SH3BP4: variants seen among roughly 807,000 people sequenced by gnomAD.
SH3BP4 encodes the protein SH3 domain binding protein 4.
Under a neutral mutation model 65.5 loss-of-function variants are expected in SH3BP4, and 33 were observed. That is an observed-to-expected ratio of 0.50 (90% CI 0.38 to 0.67). SH3BP4 has a LOEUF of 0.67. SH3BP4 is among the 30% of genes least tolerant of loss of function. The pLI is 0.00. For synonymous variants in SH3BP4, 552 were observed against 545.5 expected (o/e 1.01, Z -0.17); for missense variants, 1,134 against 1,261.4 (o/e 0.90, Z 1.53).
At chr2:235,050,361 C>T (rs1406485378) in intron 4 of SH3BP4, among the ~76,000 whole-genome samples, 2 of 152,104 alleles carry the variant, frequency 1.3e-5, no homozygotes, top group East Asian at 3.9e-4. Flanking sequence ...TCGTGATCCA[C>T]CTGCCTCAGC....
At chr2:235,001,317 G>A (rs775480154) in intron 2 of SH3BP4, among the ~76,000 whole-genome samples, 4 of 152,214 alleles carry the variant, frequency 2.6e-5, no homozygotes, top group Non-Finnish European at 5.9e-5. Context: ...CAGAGACTTT[G>A]TCAGATTCCT....
At chr2:235,039,481 TA>T (rs61191874) in intron 3 of SH3BP4, among the ~76,000 whole-genome samples, 32,541 of 141,820 alleles carry the variant, frequency 0.23, 4,965 homozygotes, top group East Asian at 0.42. Context: ...TTTGGCAACT[TA>T]AAAAAAAAAA....
chr2:235,005,349 C>A (rs1047672661), intron 2 of SH3BP4, among the ~76,000 whole-genome samples: 4 of 151,974 alleles, frequency 2.6e-5, no homozygotes, highest in Non-Finnish European at 4.4e-5. Flanking sequence ...GTCAGGGGAG[C>A]CCCTCGCCTG....
intron 1 of SH3BP4, among the ~76,000 whole-genome samples, chr2:234,973,023 A>G (rs1693043941): frequency 2.6e-5 from 4 of 152,160 alleles, no homozygotes; most frequent in Non-Finnish European, 4.4e-5. Flanking sequence ...ATGGCCAGCC[A>G]TTGTCCTTTT....
intron 2 of SH3BP4, among the ~76,000 whole-genome samples, chr2:235,028,848 C>A (rs557630859): frequency 6.6e-6 from 1 of 152,188 alleles, no homozygotes; most frequent in Admixed American, 6.5e-5. Context: ...GCAAAGGCCC[C>A]GTGGTGGGAG....
At chr2:235,047,239 A>T (rs1389905955) in intron 4 of SH3BP4, among the ~76,000 whole-genome samples, 1 of 152,198 alleles carries the variant, frequency 6.6e-6, no homozygotes, top group Non-Finnish European at 1.5e-5. Context: ...ATGAGTATTT[A>T]TGAAAGGAGA....
chr2:234,988,753 C>T (rs376182084), intron 1 of SH3BP4, among the ~76,000 whole-genome samples: 117 of 152,254 alleles, frequency 7.7e-4, no homozygotes, highest in African/African-American at 2.7e-3. Flanking sequence ...AAAGCCGTTG[C>T]GGGTGCTGGG....
chr2:235,042,557 C>T lies in SH3BP4; in HGVS notation c.1788C>T (p.Asp596=). The T allele has an allele frequency of 6.2e-7, 1 of 1,614,150 alleles. No individual in the cohort carries two copies. Among genetic ancestry groups the T allele is most frequent in the Admixed American group, 1.7e-5 (1 of 60,026 alleles). The change falls in exon 4 of 6, where the codon GAC becomes GAT. Residue 596 remains aspartate (D), a synonymous_variant. Transcript: ENST00000392011. This position sits in a 1 kb window ranked among gnomAD's most constrained non-coding sequence, Gnocchi z 7.3. The stretch of plus-strand genomic sequence containing the variant: ...CGCTGCGGGTTCAGGTGAAGGACGA[C>T]CAGGAGGCCATCCTCACCCAGTTTT... The part of the protein sequence containing the change: ...DFTLRVQVKD[D]QEAILTQFCV...
chr2:235,017,045 C>CTTTTTTTTTT (rs995197698), intron 2 of SH3BP4, among the ~76,000 whole-genome samples: 7 of 88,434 alleles, frequency 7.9e-5, no homozygotes, highest in Non-Finnish European at 1.1e-4. Context: ...GTTTGCCTTT[C>CTTTTTTTTTT]TTTTTTTTTT....
chr2:235,016,357 A>T (rs1379636015), intron 2 of SH3BP4, among the ~76,000 whole-genome samples: 1 of 152,142 alleles, frequency 6.6e-6, no homozygotes, highest in Non-Finnish European at 1.5e-5. Context: ...TCACCTGAGC[A>T]TGTGTTGTAC....
At position 235,042,862 on chromosome 2, in the gene SH3BP4, G is replaced by A; in HGVS notation, c.2093G>A (p.Trp698Ter). 1 of 1,613,794 alleles carries A rather than the reference G, an allele frequency of 6.2e-7. No homozygotes were observed. Among genetic ancestry groups the A allele is most frequent in the Non-Finnish European group, 8.5e-7 (1 of 1,180,018 alleles). The change falls in exon 4 of 6, where the codon TGG becomes TAG. Residue 698 changes from tryptophan (W) to a stop codon, truncating the protein, a stop_gained. Coordinates refer to ENST00000392011, the MANE Select transcript of SH3BP4 (RefSeq NM_014521.3). LOFTEE classifies it high-confidence loss of function. The surrounding 1 kb of genome is among the most constrained non-coding windows in gnomAD (Gnocchi z 7.3). ...CGGGTCAGGCTCCGGGGCCAGCTGT[G>A]GACCAAGGAGTGGTACATCGGCTAC... The part of the protein sequence containing the change: ...EERVRLRGQL[W>*]TKEWYIGYYQ...
chr2:234,993,439 GACCA>G (rs1053957344), intron 1 of SH3BP4, among the ~76,000 whole-genome samples: 1 of 152,186 alleles, frequency 6.6e-6, no homozygotes, highest in Non-Finnish European at 1.5e-5. Flanking sequence ...TGAGAACCCT[GACCA>G]CGGCATAGGG....
intron 2 of SH3BP4, among the ~76,000 whole-genome samples, chr2:235,032,240 TG>T (rs934649459): frequency 1.5e-4 from 23 of 152,292 alleles, no homozygotes; most frequent in African/African-American, 5.3e-4. Flanking sequence ...GGGCTCCAGT[TG>T]CCCTCACAGC....
In SH3BP4 at chr2:235,020,873, G is replaced by C. The variant is rs192633294; in HGVS notation, c.-132-13998G>C. 1.2e-3 allele frequency among the ~76,000 whole-genome samples: 185 copies of C among 152,284 alleles called. 1 individual carries two copies. Among genetic ancestry groups the C allele is most frequent in the African/African-American group, 4.4e-3 (182 of 41,554 alleles). ...AGCCTCCCAGCTGGTGATTGGTAGT[G>C]CCAAGGCCCCAAGTCCATCAGCCAG... On this transcript the variant is annotated intron_variant, in intron 2 of 5. Coordinates refer to ENST00000392011, the MANE Select transcript of SH3BP4 (RefSeq NM_014521.3).
chr2:235,037,603 A>G (rs1167726062), intron 3 of SH3BP4, among the ~76,000 whole-genome samples: 1 of 152,230 alleles, frequency 6.6e-6, no homozygotes, highest in Non-Finnish European at 1.5e-5. Flanking sequence ...CTGAGGGAGC[A>G]TAATAAGGAC....
chr2:235,009,302 C>A, intron 2 of SH3BP4, among the ~76,000 whole-genome samples: 1 of 152,116 alleles, frequency 6.6e-6, no homozygotes, highest in Non-Finnish European at 1.5e-5. Context: ...GGCAGTTGTC[C>A]CCTCCACTTC....
rs1040258921 is a variant in SH3BP4, at chr2:235,017,021, G to A, written c.-132-17850G>A. Among the ~76,000 whole-genome samples, 4 of 148,800 alleles carry A rather than the reference G, an allele frequency of 2.7e-5. 1 individual carries two copies. Among genetic ancestry groups the A allele is most frequent in the South Asian group, 4.3e-4 (2 of 4,684 alleles). On this transcript the variant is annotated intron_variant, in intron 2 of 5. Coordinates refer to ENST00000392011, the MANE Select transcript of SH3BP4 (RefSeq NM_014521.3). ...CATAAATCACCCAGATCTCACTTTC[G>A]GCAGCGAGTTTCTGTTTGCCTTTCT...
chr2:235,043,878 G>T (rs1695757169), intron 4 of SH3BP4, among the ~76,000 whole-genome samples: 1 of 152,282 alleles, frequency 6.6e-6, no homozygotes, highest in Non-Finnish European at 1.5e-5. Context: ...GGGATCCTGG[G>T]GGGCCCCAGA....
At position 235,000,608 on chromosome 2, in the gene SH3BP4, G is replaced by A. The variant is rs189371007; in HGVS notation, c.-133+5232G>A. Among the ~76,000 whole-genome samples the A allele has an allele frequency of 2.4e-3, 365 of 152,324 alleles. 2 individuals carry two copies. Among genetic ancestry groups the A allele is most frequent in the African/African-American group, 8.0e-3 (332 of 41,572 alleles). On this transcript the variant is annotated intron_variant, in intron 2 of 5. Transcript: ENST00000392011. ...CCGCTGACATGGAGGACGTCAAGCCGCGATGTTCATGTCCCCATTGCGTAG... is the reference window on the plus strand; with the variant it reads ...CCGCTGACATGGAGGACGTCAAGCCACGATGTTCATGTCCCCATTGCGTAG...
Sources: gnomAD v4.1 joint callset for allele counts (sites outside exome capture counted in the v4.1 genomes callset) on GRCh38, gnomAD v4.1.1 for gene constraint, Gnocchi (gnomAD v3.1) non-coding constraint, MANE v1.5 for transcripts, NCBI Gene and HGNC (gene_info 2026-07-23, HGNC 2026-07-21) for gene names.